KIAA1549L: variants seen among roughly 807,000 people sequenced by gnomAD.
KIAA1549L encodes KIAA1549 like.
In KIAA1549L, 88 loss-of-function variants were observed where a neutral mutation model predicts 160.7. The ratio of observed to expected loss-of-function variants is 0.55; its 90% CI spans 0.46 to 0.65. The LOEUF (loss-of-function observed/expected upper bound fraction) is 0.65, where lower values mean the gene tolerates loss of function less well. Ranked by LOEUF, KIAA1549L falls within the 30% of genes least tolerant of loss-of-function variation. The pLI is 0.00. For synonymous variants in KIAA1549L, 950 were observed against 976.7 expected (o/e 0.97, Z 0.51); for missense variants, 2,258 against 2,437.5 (o/e 0.93, Z 1.55).
chr11:33,528,389 T>A (rs1853662667), intron 1 of KIAA1549L, among the ~76,000 whole-genome samples: 1 of 152,228 alleles, frequency 6.6e-6, no homozygotes, highest in Admixed American at 6.5e-5. Context: ...GAATGTAAAC[T>A]AGTACAACCA....
chr11:33,412,953 A>G lies in KIAA1549L; in HGVS notation c.238+36064A>G, dbSNP rs182627015. ...GGACCCAGGAAGTCTGATTCCAGCT[A>G]TAGTCCTAATGAATATACTGCACTT... is the stretch of plus-strand genomic sequence containing the variant. On this transcript the variant is annotated intron_variant, in intron 1 of 20. Transcript: ENST00000658780. Among the ~76,000 whole-genome samples the G allele has an allele frequency of 1.2e-3, 186 of 152,300 alleles. 2 individuals are homozygous for G. Among genetic ancestry groups the G allele is most frequent in the African/African-American group, 4.2e-3 (176 of 41,570 alleles).
intron 5 of KIAA1549L, 51 bp from the exon 6 acceptor site, chr11:33,552,057 G>T: frequency 6.2e-7 from 1 of 1,601,550 alleles, no homozygotes; most frequent in South Asian, 1.1e-5. Flanking sequence ...TAAATCCAAG[G>T]AACTGAGACA....
intron 13 of KIAA1549L, chr11:33,599,161 G>A (rs548240434): frequency 5.4e-5 from 22 of 404,352 alleles, no homozygotes; most frequent in African/African-American, 2.2e-4. Flanking sequence ...CACTTCCTCC[G>A]CCCCTGTTCT....
At chr11:33,382,289 A>G (rs1326389892) in intron 1 of KIAA1549L, among the ~76,000 whole-genome samples, 1 of 152,170 alleles carries the variant, frequency 6.6e-6, no homozygotes, top group African/African-American at 2.4e-5. Context: ...GAAGAAAGCA[A>G]TCAAGGAGGA....
At position 33,559,851 on chromosome 11, in the gene KIAA1549L, C is replaced by G; in HGVS notation, c.3958C>G (p.Gln1320Glu). The G allele has an allele frequency of 1.9e-6, 3 of 1,614,012 alleles. No homozygotes were observed. Among genetic ancestry groups the G allele is most frequent in the Admixed American group, 3.3e-5 (2 of 60,024 alleles). ...CACCGTCGCCAGCAGCCTCCTCAGC[C>G]AGCTCTCGGCTGAGCTGGTGGGATT... ...NGTVASSLLS[Q>E]LSAELVGFYL... The change falls in exon 7 of 21, where the codon CAG becomes GAG. Residue 1320 changes from glutamine (Q) to glutamate (E), a missense_variant. Gln to Glu is a conservative substitution (Grantham distance 29). Coordinates refer to ENST00000658780, the MANE Select transcript of KIAA1549L (RefSeq NM_012194.3).
At chr11:33,651,516 A>G (rs936025621) in intron 17 of KIAA1549L, among the ~76,000 whole-genome samples, 1 of 151,360 alleles carries the variant, frequency 6.6e-6, no homozygotes, top group Admixed American at 6.6e-5. Flanking sequence ...GGGACAGGGA[A>G]AGGGCCCTAG....
intron 1 of KIAA1549L, chr11:33,403,345 G>GA (rs1850566966): frequency 4.6e-4 from 2 of 4,378 alleles, no homozygotes; most frequent in African/African-American, 6.6e-4. Context: ...ATGCAGACAC[G>GA]CAGACAGACA....
In KIAA1549L at chr11:33,551,111, G is replaced by T. The variant is rs781587739; in HGVS notation, c.3573G>T (p.Leu1191Phe). The change falls in exon 5 of 21, where the codon TTG becomes TTT. Residue 1191 changes from leucine to phenylalanine, a missense_variant. This residue lies in a region of KIAA1549L where 1,359 missense variants were observed against 1,546.6 expected (regional missense o/e 0.88). Coordinates refer to ENST00000658780, the MANE Select transcript of KIAA1549L (RefSeq NM_012194.3). ...YYATKGKLVY[L>F]PAVVIEMLGV... is the part of the protein sequence containing the mutation. ...CTACCAAAGGGAAGTTGGTGTATTT[G>T]CCTGCTGTGGTGATCGAAATGCTGG... is the stretch of plus-strand genomic sequence containing the variant. 1 of 1,613,954 alleles carries T rather than the reference G, an allele frequency of 6.2e-7. No homozygotes were observed. The highest frequency in any genetic ancestry group is 8.5e-7 in the Non-Finnish European group (1 of 1,179,850).
rs146093149 is a variant in KIAA1549L at position 33,500,506 on chromosome 11, G to A, written c.239-41296G>A. The stretch of plus-strand genomic sequence containing the variant: ...GTCATAGCAAAATACAGGAATTGCT[G>A]TGGAGTCTTTCTTAATCTGAACAAC... On this transcript the variant is annotated intron_variant, in intron 1 of 20. Transcript: ENST00000658780. 3.3e-5 allele frequency among the ~76,000 whole-genome samples: 5 copies of A among 152,318 alleles called. No homozygotes were observed. In the East Asian group the frequency reaches 9.6e-4, roughly 29 times the overall value.
At chr11:33,394,687 C>T (rs1203298312) in intron 1 of KIAA1549L, among the ~76,000 whole-genome samples, 2 of 152,174 alleles carry the variant, frequency 1.3e-5, no homozygotes, top group Non-Finnish European at 2.9e-5. Flanking sequence ...ACAAACCAAC[C>T]CCCAAATCTA....
chr11:33,626,163 C>G (rs1851107487), intron 16 of KIAA1549L, among the ~76,000 whole-genome samples: 1 of 146,920 alleles, frequency 6.8e-6, no homozygotes, highest in Non-Finnish European at 1.5e-5. Flanking sequence ...GTTACTGTAG[C>G]CTTGTAGTAT....
At chr11:33,414,533 G>A (rs954521058) in intron 1 of KIAA1549L, among the ~76,000 whole-genome samples, 2 of 152,092 alleles carry the variant, frequency 1.3e-5, no homozygotes, top group African/African-American at 2.4e-5. Context: ...AGAGGTACTG[G>A]ATCAAACGGA....
At chr11:33,391,021 A>G (rs1311245556) in intron 1 of KIAA1549L, among the ~76,000 whole-genome samples, 1 of 152,234 alleles carries the variant, frequency 6.6e-6, no homozygotes, top group Admixed American at 6.5e-5. Flanking sequence ...AGGCCAGTCA[A>G]CTAGTTGCAT....
At chr11:33,648,151 C>T (rs2133411642) in intron 17 of KIAA1549L, among the ~76,000 whole-genome samples, 1 of 149,618 alleles carries the variant, frequency 6.7e-6, no homozygotes, top group East Asian at 1.9e-4. Flanking sequence ...CATACCACCA[C>T]ACCCAGCTTT....
At chr11:33,430,043 CTTCCTCCCTTCCCTCTCTCCTCCG>C (rs1215961252) in intron 1 of KIAA1549L, among the ~76,000 whole-genome samples, 19 of 147,986 alleles carry the variant, frequency 1.3e-4, no homozygotes, top group Non-Finnish European at 2.8e-4. Flanking sequence ...TCCTTCCTTC[CTTCCTCCCTTCCCTCTCTCCTCCG>C]TTCCTCCCTT....
intron 1 of KIAA1549L, among the ~76,000 whole-genome samples, chr11:33,527,753 C>G (rs1227906441): frequency 1.3e-5 from 2 of 151,918 alleles, no homozygotes; most frequent in African/African-American, 4.8e-5. Flanking sequence ...CAAATAATTC[C>G]ATCAAAAAGT....
chr11:33,597,046 A>T (rs1389221949), intron 12 of KIAA1549L, among the ~76,000 whole-genome samples: 1 of 152,204 alleles, frequency 6.6e-6, no homozygotes, highest in African/African-American at 2.4e-5. Context: ...ATTTTATATG[A>T]TGTTAAAAGG....
chr11:33,622,077 A>G (rs1850973000), intron 16 of KIAA1549L, among the ~76,000 whole-genome samples: 1 of 151,980 alleles, frequency 6.6e-6, no homozygotes, highest in African/African-American at 2.4e-5. Flanking sequence ...GAAAATGTTA[A>G]GAAGGATGGT....
At chr11:33,526,089 C>A (rs1316558523) in intron 1 of KIAA1549L, among the ~76,000 whole-genome samples, 1 of 152,096 alleles carries the variant, frequency 6.6e-6, no homozygotes, top group Non-Finnish European at 1.5e-5. Flanking sequence ...TCTATGGCCC[C>A]ACCTATTGCC....
Sources: gnomAD v4.1 joint callset for allele counts (sites outside exome capture counted in the v4.1 genomes callset) on GRCh38, gnomAD v4.1.1 for gene constraint, gnomAD v4.1.1 regional missense constraint, MANE v1.5 for transcripts, NCBI Gene and HGNC (gene_info 2026-07-23, HGNC 2026-07-21) for gene names.